The following NHLRC2 variants were observed in gnomAD, a reference collection of about 807,000 sequenced individuals.
NHLRC2 encodes the protein NHL repeat containing 2.
NHLRC2 carries 33 observed loss-of-function variants against 68.1 expected under a neutral mutation model. That is an observed-to-expected ratio of 0.48 (90% CI 0.37 to 0.65). NHLRC2 has a LOEUF of 0.65. Among genes scored for constraint, NHLRC2 ranks in the 30% least tolerant of loss-of-function variants. NHLRC2 has a pLI of 0.00. For synonymous variants in NHLRC2, 311 were observed against 309.6 expected, an observed-to-expected ratio of 1.00 and a Z score of -0.05; for missense variants, 761 against 853.8, an observed-to-expected ratio of 0.89 and a Z score of 1.35.
At chr10:113,868,135 G>A (rs556088087) in intron 2 of NHLRC2, among the ~76,000 whole-genome samples, 75 of 152,184 alleles carry the variant, frequency 4.9e-4, no homozygotes, top group African/African-American at 1.8e-3. Flanking sequence ...ATTACAAACA[G>A]CCTGAGCCAC....
intron 5 of NHLRC2, among the ~76,000 whole-genome samples, chr10:113,888,196 AG>A (rs1429870225): frequency 1.3e-5 from 2 of 152,220 alleles, no homozygotes; most frequent in Non-Finnish European, 2.9e-5. Flanking sequence ...GGTTGATCAA[AG>A]GGTACAAAGT....
At chr10:113,860,594 T>C (rs1231140084) in intron 2 of NHLRC2, among the ~76,000 whole-genome samples, 2 of 151,990 alleles carry the variant, frequency 1.3e-5, no homozygotes, top group Non-Finnish European at 2.9e-5. Context: ...CTCTAAAAAA[T>C]ACCTGATACA....
intron 10 of NHLRC2, 132 bp from the exon 11 acceptor site, chr10:113,908,148 C>T: frequency 1.5e-6 from 1 of 663,130 alleles, no homozygotes; most frequent in Non-Finnish European, 2.6e-6. Context: ...GTCCTTCCCA[C>T]AGACCGCAAT....
intron 2 of NHLRC2, among the ~76,000 whole-genome samples, chr10:113,862,837 A>G (rs1845829719): frequency 6.6e-6 from 1 of 152,308 alleles, no homozygotes; most frequent in Admixed American, 6.5e-5. Context: ...ACAAAGAAGG[A>G]CATTATATAC....
intron 2 of NHLRC2, among the ~76,000 whole-genome samples, chr10:113,859,147 T>G (rs2134685782): frequency 6.6e-6 from 1 of 152,278 alleles, no homozygotes; most frequent in East Asian, 1.9e-4. Context: ...ATACTCTTTC[T>G]TTGACCCTGC....
Position 113,907,524 on chromosome 10 carries a change from T to C in NHLRC2, c.1925-756T>C, listed in dbSNP as rs1483444653. ...GTGTCTGTGCTTCCCCAGTATGACA[T>C]GTGTGTTCCTTCTAAGAGAAAGTCG... On this transcript the variant is annotated intron_variant, in intron 10 of 10. Transcript: ENST00000369301. Among the ~76,000 whole-genome samples the C allele has an allele frequency of 2.0e-5, 3 of 152,218 alleles. No homozygotes were observed. The East Asian group carries it at 5.8e-4, about 29-fold the overall frequency.
At position 113,911,680 on chromosome 10, in the gene NHLRC2, A is replaced by C. The variant is rs1446854046; in HGVS notation, c.*3144A>C. 1 of 152,168 alleles carries C rather than the reference A, an allele frequency of 6.6e-6. No individual in the cohort carries two copies. The allele number at this position is 152,168 out of a possible 1,614,324, so 9.4% of individuals were successfully genotyped here. A position where few individuals can be genotyped will look rare whatever the true frequency, so the allele number is the denominator to read the frequency against. ...TATAATGTAATAGTTTTCTGCCTGC[A>C]CAAAGTTTACTATTAATTTATGTCT... On this transcript the variant is annotated 3_prime_UTR_variant, in exon 11 of 11. Coordinates refer to ENST00000369301, the MANE Select transcript of NHLRC2 (RefSeq NM_198514.4).
chr10:113,903,701 A>C lies in NHLRC2; in HGVS notation c.1669A>C (p.Lys557Gln). ...AGCAGACACCAATAATCATCAAATT[A>C]AAGTGATGGATTTAGAAACTAAAAT... Reference protein sequence around the residue: ...YVADTNNHQIKVMDLETKMVS... With the variant: ...YVADTNNHQIQVMDLETKMVS... Residue 557 changes from lysine to glutamine, a missense_variant, in exon 9 of 11, where the codon AAA (lysine) becomes CAA (glutamine). By Grantham distance (53) the Lys-to-Gln change is moderately conservative. Coordinates refer to ENST00000369301, the MANE Select transcript of NHLRC2 (RefSeq NM_198514.4). 3 of 1,588,068 alleles carry C rather than the reference A, an allele frequency of 1.9e-6. No individual in the cohort carries two copies. The highest frequency in any genetic ancestry group is 2.6e-6 in the Non-Finnish European group (3 of 1,156,668).
In NHLRC2 at chr10:113,902,608, A is replaced by G. The variant is rs1333840060; in HGVS notation, c.1494+15A>G. 1 of 1,595,972 alleles carries G rather than the reference A, an allele frequency of 6.3e-7. No individual in the cohort carries two copies. The highest frequency in any genetic ancestry group is 8.5e-7 in the Non-Finnish European group (1 of 1,174,032). On this transcript the variant is annotated intron_variant, in intron 8 of 10. Coordinates refer to ENST00000369301, the MANE Select transcript of NHLRC2 (RefSeq NM_198514.4). ...ACAATCACAAGGTGAGTCGTGACAG[A>G]ATTATATAATATCTTGCTTTTTGTG...
chr10:113,862,872 A>C (rs999661905), intron 2 of NHLRC2, among the ~76,000 whole-genome samples: 6 of 152,188 alleles, frequency 3.9e-5, no homozygotes, highest in African/African-American at 1.4e-4. Flanking sequence ...AGCTGAGCAC[A>C]GATTTCACCT....
At chr10:113,876,420 C>G in intron 2 of NHLRC2, 101 bp from the exon 3 acceptor site, 1 of 641,496 alleles carries the variant, frequency 1.6e-6, no homozygotes, top group South Asian at 2.6e-5. Flanking sequence ...TTTTTTTAAT[C>G]TATGGACTTT....
chr10:113,904,765 A>G, intron 9 of NHLRC2, 52 bp from the exon 10 acceptor site: 1 of 1,306,276 alleles, frequency 7.7e-7, no homozygotes, highest in South Asian at 1.2e-5. Flanking sequence ...CTCTCATTCT[A>G]TAATTAATAT....
intron 2 of NHLRC2, among the ~76,000 whole-genome samples, chr10:113,862,463 A>G (rs975743254): frequency 2.6e-5 from 4 of 151,756 alleles, no homozygotes; most frequent in Non-Finnish European, 5.9e-5. Context: ...ATGTTTCACT[A>G]CAAAATAAAA....
chr10:113,887,409 A>C (rs1288999126), intron 5 of NHLRC2, among the ~76,000 whole-genome samples: 1 of 152,250 alleles, frequency 6.6e-6, no homozygotes, highest in Non-Finnish European at 1.5e-5. Flanking sequence ...TTATTTCAGC[A>C]GTATTCACAA....
intron 5 of NHLRC2, among the ~76,000 whole-genome samples, chr10:113,896,471 A>G (rs1294834735): frequency 7.2e-6 from 1 of 138,156 alleles, no homozygotes; most frequent in African/African-American, 2.7e-5. Context: ...AACAATGAGA[A>G]CACATGGACA....
chr10:113,902,510 A>G lies in NHLRC2; in HGVS notation c.1411A>G (p.Asn471Asp). Reference sequence around the variant, plus strand: ...TGGTGATGTTGATGGAGTAGGAATCAATGCAAAGCTTCAACACCCCCTTGG... The same window carrying G: ...TGGTGATGTTGATGGAGTAGGAATCGATGCAAAGCTTCAACACCCCCTTGG... Reference protein sequence around the residue: ...AFGDVDGVGINAKLQHPLGVT... With the variant: ...AFGDVDGVGIDAKLQHPLGVT... The change falls in exon 8 of 11, where the codon AAT becomes GAT. Residue 471 changes from asparagine to aspartate, a missense_variant. Asn to Asp is a conservative substitution (Grantham distance 23). Coordinates refer to ENST00000369301, the MANE Select transcript of NHLRC2 (RefSeq NM_198514.4). 1 of 1,603,016 alleles carries G rather than the reference A, an allele frequency of 6.2e-7. No individual in the cohort carries two copies. Among genetic ancestry groups the G allele is most frequent in the Non-Finnish European group, 8.5e-7 (1 of 1,174,208 alleles).
intron 2 of NHLRC2, among the ~76,000 whole-genome samples, chr10:113,874,159 C>T (rs1431447009): frequency 1.3e-5 from 2 of 152,146 alleles, no homozygotes; most frequent in East Asian, 3.8e-4. Flanking sequence ...GTACTTACAA[C>T]TTTAAAAAAT....
At chr10:113,904,563 A>G (rs896392914) in intron 9 of NHLRC2, among the ~76,000 whole-genome samples, 2 of 152,194 alleles carry the variant, frequency 1.3e-5, no homozygotes, top group East Asian at 1.9e-4. Context: ...CCTGCCGTCT[A>G]TATACATTGG....
chr10:113,878,823 C>G (rs1368122364), intron 3 of NHLRC2, among the ~76,000 whole-genome samples: 2 of 152,136 alleles, frequency 1.3e-5, no homozygotes, highest in African/African-American at 4.8e-5. Flanking sequence ...GCCACTGTGC[C>G]AGGCCTTGGG....
Sources: gnomAD v4.1 joint callset for allele counts (sites outside exome capture counted in the v4.1 genomes callset) on GRCh38, gnomAD v4.1.1 for gene constraint, MANE v1.5 for transcripts, NCBI Gene and HGNC (gene_info 2026-07-23, HGNC 2026-07-21) for gene names.